Variants in FCGR3B observed in about 807,000 individuals in gnomAD.
FCGR3B encodes low affinity immunoglobulin gamma Fc region receptor III-B.
FCGR3B carries 20 observed loss-of-function variants against 26.7 expected under a neutral mutation model. That is an observed-to-expected ratio of 0.75 (90% CI 0.53 to 1.09). The LOEUF is 1.09. Among genes scored for constraint, FCGR3B ranks in the 50% least tolerant of loss-of-function variants. The pLI is 0.00. For synonymous variants in FCGR3B, 79 were observed against 107.0 expected, an observed-to-expected ratio of 0.74 and a Z score of 1.62; for missense variants, 191 against 279.7, an observed-to-expected ratio of 0.68 and a Z score of 2.26.
intron 3 of FCGR3B, among the ~76,000 whole-genome samples, chr1:161,627,737 C>T (rs1343390768): frequency 6.7e-6 from 1 of 150,072 alleles, no homozygotes; most frequent in Non-Finnish European, 1.5e-5. Context: ...TCAGTGAATG[C>T]CCATGTGTAT....
upstream of FCGR3B, chr1:161,631,332 C>A (rs1223009938): frequency 2.1e-5 from 18 of 865,624 alleles, no homozygotes; most frequent in Middle Eastern, 2.4e-4. Flanking sequence ...GTGGGTGTGC[C>A]CCCTTTACTC....
At position 161,631,157 on chromosome 1, in the gene FCGR3B, C is replaced by G; in HGVS notation, c.-63G>C. 6.2e-7 allele frequency: 1 copy of G among 1,607,738 alleles called. No individual in the cohort carries two copies. The highest frequency in any genetic ancestry group is 8.5e-7 in the Non-Finnish European group (1 of 1,177,304). On this transcript the variant is annotated 5_prime_UTR_variant, in exon 1 of 5. Transcript: ENST00000650385. Reference sequence around the variant, plus strand: ...CGGAGCCCTAAAGGGACCAAGCCGACTAGACAGGAGGGAGTAAACAGCCTT... The same window carrying G: ...CGGAGCCCTAAAGGGACCAAGCCGAGTAGACAGGAGGGAGTAAACAGCCTT...
At chr1:161,628,109 T>C (rs1679559979) in intron 3 of FCGR3B, among the ~76,000 whole-genome samples, 1 of 149,578 alleles carries the variant, frequency 6.7e-6, no homozygotes, top group Admixed American at 6.7e-5. Flanking sequence ...CTGTCTCTAC[T>C]AAAAATACAA....
rs530093056 is a variant in FCGR3B at position 161,623,365 on chromosome 1, A to G, written c.*1150T>C. ...AGCAACAATTGTCTTCTCCATCCCC[A>G]CCTCATTGGAACTGACATGAAGAAG... On this transcript the variant is annotated 3_prime_UTR_variant, in exon 5 of 5. Transcript: ENST00000650385. 2.7e-5 allele frequency: 4 copies of G among 150,450 alleles called. No homozygotes were observed. The highest frequency in any genetic ancestry group is 4.2e-4 in the South Asian group (2 of 4,706). 9.3% of individuals were successfully genotyped at this position (150,450 alleles called of 1,614,324 possible).
chr1:161,626,893 A>C (rs1679492269), intron 3 of FCGR3B, among the ~76,000 whole-genome samples: 1 of 150,364 alleles, frequency 6.7e-6, no homozygotes, highest in African/African-American at 2.5e-5. Flanking sequence ...GACGGTCGCC[A>C]CAGAGTGGCT....
rs371070567 is a variant in FCGR3B at position 161,626,316 on chromosome 1, G to A, written c.406C>T (p.Leu136=). The A allele has an allele frequency of 8.3e-5, 134 of 1,609,066 alleles. 2 individuals are homozygous for A. The African/African-American group carries it at 1.7e-3, about 20-fold the overall frequency. ...TTCTGTAAATATGTGACCTTATGCAGAGCAGTGTTCTTCCAGCTGTGACAC... is the reference window on the plus strand; with the variant it reads ...TTCTGTAAATATGTGACCTTATGCAAAGCAGTGTTCTTCCAGCTGTGACAC... ...LRCHSWKNTA[L]HKVTYLQNGK... The change falls in exon 4 of 5, where the codon CTG becomes TTG. Residue 136 remains leucine (L), a synonymous_variant. Transcript: ENST00000650385.
chr1:161,626,124 C>G, intron 4 of FCGR3B, 21 bp downstream of exon 4: 1 of 1,604,270 alleles, frequency 6.2e-7, no homozygotes, highest in African/African-American at 1.4e-5. Flanking sequence ...CCTGGGCATT[C>G]CAGGGTGGCA....
In FCGR3B at chr1:161,624,612, A is replaced by T; in HGVS notation, c.605T>A (p.Phe202Tyr). Residue 202 changes from phenylalanine to tyrosine, a missense_variant, in exon 5 of 5, where the codon TTC becomes TAC. By Grantham distance (22) the Phe-to-Tyr change is conservative. Transcript: ENST00000650385. ...AGAGACTTGGTACCCAGGTGGAGAG[A>T]ATGATGAGATGGTTGACACTGCCAA... ...QGLAVSTISS[F>Y]SPPGYQVSFC... 6.2e-7 allele frequency: 1 copy of T among 1,606,518 alleles called. No individual in the cohort carries two copies. The highest frequency in any genetic ancestry group is 8.5e-7 in the Non-Finnish European group (1 of 1,176,694).
At chr1:161,625,242 C>T (rs1443812623) in intron 4 of FCGR3B, among the ~76,000 whole-genome samples, 1 of 119,578 alleles carries the variant, frequency 8.4e-6, no homozygotes, top group Non-Finnish European at 1.8e-5. Context: ...TGCTGCCTTT[C>T]TACATGCAAA....
At chr1:161,625,067 G>A (rs139719226) in intron 4 of FCGR3B, among the ~76,000 whole-genome samples, 128 of 144,390 alleles carry the variant, frequency 8.9e-4, no homozygotes, top group Non-Finnish European at 1.7e-3. Flanking sequence ...AAGAAATCTC[G>A]TATATCCTTT....
rs1421226786 is a variant in FCGR3B at position 161,626,267 on chromosome 1, T to C, written c.455A>G (p.His152Arg). 1 of 1,608,640 alleles carries C rather than the reference T, an allele frequency of 6.2e-7. No individual in the cohort carries two copies. Residue 152 changes from histidine (H) to arginine (R), a missense_variant, in exon 4 of 5, where the codon CAT (histidine) becomes CGT (arginine). Around this residue, in one of 2 missense-constraint regions of FCGR3B, gnomAD observed 103 missense variants for 114.5 expected, o/e 0.90. Transcript: ENST00000650385. ...TGGAATGTGGAAGTCAGAATTATGA[T>C]GAAAATACTTCCTGTCTTTGCCATT... is the stretch of plus-strand genomic sequence containing the variant. ...LQNGKDRKYF[H>R]HNSDFHIPKA...
chr1:161,624,606 G>A lies in FCGR3B; in HGVS notation c.611C>T (p.Pro204Leu), dbSNP rs750615825. 3.1e-6 allele frequency: 5 copies of A among 1,606,602 alleles called. No individual in the cohort carries two copies. The highest frequency in any genetic ancestry group is 4.2e-6 in the Non-Finnish European group (5 of 1,176,746). ...GCAGAAAGAGACTTGGTACCCAGGT[G>A]GAGAGAATGATGAGATGGTTGACAC... Reference protein sequence around the residue: ...LAVSTISSFSPPGYQVSFCLV... With the variant: ...LAVSTISSFSLPGYQVSFCLV... The change falls in exon 5 of 5, where the codon CCA becomes CTA. Residue 204 changes from proline to leucine, a missense_variant. By Grantham distance (98) the Pro-to-Leu change is moderately conservative (BLOSUM62 -3). Coordinates refer to ENST00000650385, the MANE Select transcript of FCGR3B (RefSeq NM_001244753.2).
In FCGR3B at chr1:161,626,288, C is replaced by T. The variant is rs772612155; in HGVS notation, c.434G>A (p.Gly145Asp). 1 of 1,608,772 alleles carries T rather than the reference C, an allele frequency of 6.2e-7. No homozygotes were observed. The highest frequency in any genetic ancestry group is 1.7e-5 in the Admixed American group (1 of 59,650). Reference protein sequence around the residue: ...ALHKVTYLQNGKDRKYFHHNS... With the variant: ...ALHKVTYLQNDKDRKYFHHNS... ...ATGATGAAAATACTTCCTGTCTTTGCCATTCTGTAAATATGTGACCTTATG... is the reference window on the plus strand; with the variant it reads ...ATGATGAAAATACTTCCTGTCTTTGTCATTCTGTAAATATGTGACCTTATG... The change falls in exon 4 of 5, where the codon GGC (glycine) becomes GAC (aspartate). Residue 145 changes from glycine (G) to aspartate (D), a missense_variant. Transcript: ENST00000650385.
rs559373804 is a variant in FCGR3B, at chr1:161,627,943, C to T, written c.320-1541G>A. Among the ~76,000 whole-genome samples the T allele has an allele frequency of 2.6e-4, 39 of 149,940 alleles. 2 individuals carry two copies. Among genetic ancestry groups the T allele is most frequent in the Admixed American group, 1.7e-3 (25 of 14,930 alleles). On this transcript the variant is annotated intron_variant, in intron 3 of 4. Transcript: ENST00000650385. The stretch of plus-strand genomic sequence containing the variant: ...GGCTAAGAATAAAGGACTGCGGGGC[C>T]GACTAGATTGGAATAAAGAAATTCT...
At chr1:161,628,437 TC>T (rs1679583778) in intron 3 of FCGR3B, among the ~76,000 whole-genome samples, 1 of 149,924 alleles carries the variant, frequency 6.7e-6, no homozygotes, top group African/African-American at 2.5e-5. Context: ...TGGCTAGACT[TC>T]TAAAGCCAGT....
chr1:161,630,573 C>T (rs1385702017), intron 1 of FCGR3B, among the ~76,000 whole-genome samples, 185 bp from the exon 2 acceptor site: 9 of 144,676 alleles, frequency 6.2e-5, no homozygotes, highest in Admixed American at 1.4e-4. Flanking sequence ...ATGCCTCTTG[C>T]GCCACTGTCA....
intron 3 of FCGR3B, among the ~76,000 whole-genome samples, chr1:161,629,237 GACCAACATGGTGAA>G (rs1679620635): frequency 2.1e-5 from 1 of 48,214 alleles, no homozygotes; most frequent in Non-Finnish European, 4.3e-5. Context: ...AGACCAGACT[GACCAACATGGTGAA>G]ACCCTGTCTC....
upstream of FCGR3B, chr1:161,631,263 C>T (rs529061019): frequency 1.2e-5 from 18 of 1,475,332 alleles, no homozygotes; most frequent in Middle Eastern, 1.8e-4. Context: ...TCTGAAGTCT[C>T]GCAATGGAGC....
intron 3 of FCGR3B, among the ~76,000 whole-genome samples, chr1:161,626,638 G>T (rs902014488): frequency 6.7e-6 from 1 of 148,640 alleles, no homozygotes; most frequent in Non-Finnish European, 1.5e-5. Context: ...CAACACACAG[G>T]GTTAGAGCAG....
Sources: allele counts gnomAD v4.1 joint callset (sites outside exome capture counted in the v4.1 genomes callset), GRCh38; gene constraint gnomAD v4.1.1; regional missense constraint gnomAD v4.1.1; transcripts MANE v1.5; gene names NCBI Gene and HGNC (gene_info 2026-07-23, HGNC 2026-07-21).